Variants in MYO18B observed in about 807,000 individuals in gnomAD.
MYO18B encodes the protein myosin XVIIIB, also known as unconventional myosin-XVIIIb.
A neutral mutation model predicts 273.0 loss-of-function variants in MYO18B; 204 were observed. That is an observed-to-expected ratio of 0.75 (90% confidence interval 0.67 to 0.84). The LOEUF (loss-of-function observed/expected upper bound fraction) is 0.84. Ranked by LOEUF, MYO18B falls within the 40% of genes least tolerant of loss-of-function variation. The probability of loss-of-function intolerance (pLI) is 0.00; values close to 1 mark genes in which losing one functional copy is unlikely to be tolerated. For missense variants in MYO18B, 3,212 were observed against 3,287.6 expected, an observed-to-expected ratio of 0.98 and a Z score of 0.56; for synonymous variants, 1,330 against 1,305.7, an observed-to-expected ratio of 1.02 and a Z score of -0.40.
chr22:25,980,446 G>A (rs1368926464), intron 39 of MYO18B, among the ~76,000 whole-genome samples: 3 of 152,164 alleles, frequency 2.0e-5, no homozygotes, highest in African/African-American at 7.2e-5. Flanking sequence ...GAGAATCCTG[G>A]CAGGGAAAGC....
At chr22:26,022,193 AT>A (rs577953642) in intron 42 of MYO18B, among the ~76,000 whole-genome samples, 2 of 149,914 alleles carry the variant, frequency 1.3e-5, no homozygotes, top group South Asian at 4.4e-4. Flanking sequence ...TAACATGTTG[AT>A]TATCTGACAT....
At chr22:25,932,251 A>C (rs2092513743) in intron 34 of MYO18B, among the ~76,000 whole-genome samples, 2 of 152,106 alleles carry the variant, frequency 1.3e-5, no homozygotes, top group Non-Finnish European at 2.9e-5. Context: ...TCTCTCTATA[A>C]ATTTTCTGAA....
At chr22:25,773,739 A>G (rs1423963802) in intron 7 of MYO18B, among the ~76,000 whole-genome samples, 1 of 152,358 alleles carries the variant, frequency 6.6e-6, no homozygotes, top group South Asian at 2.1e-4. Flanking sequence ...CTGGGATTAC[A>G]GGCATGAGCC....
chr22:25,952,366 C>T lies in MYO18B; in HGVS notation c.5913C>T (p.Val1971=). ...CCATCGTCAGCAGGCAGGAGGCGGT[C>T]ATCTGTGACCTAGAGAACAAGACAG... The part of the protein sequence containing the change: ...DRAIVSRQEA[V]ICDLENKTEF... The change falls in exon 38 of 44, where the codon GTC becomes GTT. Residue 1971 remains valine (V), a synonymous_variant. Transcript: ENST00000335473. 6.2e-7 allele frequency: 1 copy of T among 1,612,692 alleles called. No homozygotes were observed. The highest frequency in any genetic ancestry group is 8.5e-7 in the Non-Finnish European group (1 of 1,179,462).
At chr22:25,795,973 A>G (rs965337625) in intron 11 of MYO18B, among the ~76,000 whole-genome samples, 1 of 152,166 alleles carries the variant, frequency 6.6e-6, no homozygotes, top group Non-Finnish European at 1.5e-5. Flanking sequence ...CTCTCTGGGC[A>G]CTGGTTGCTG....
At chr22:25,858,706 A>C (rs918907060) in intron 21 of MYO18B, among the ~76,000 whole-genome samples, 1 of 152,232 alleles carries the variant, frequency 6.6e-6, no homozygotes, top group Non-Finnish European at 1.5e-5. Flanking sequence ...GACACAGGCT[A>C]TCGGAATTTT....
At chr22:25,841,659 A>G (rs1005668907) in intron 17 of MYO18B, among the ~76,000 whole-genome samples, 1 of 152,158 alleles carries the variant, frequency 6.6e-6, no homozygotes, top group Non-Finnish European at 1.5e-5. Context: ...CATGTCCAGC[A>G]GAGAGTGCTA....
At chr22:25,773,743 A>G (rs141420030) in intron 7 of MYO18B, among the ~76,000 whole-genome samples, 2,300 of 152,316 alleles carry the variant, frequency 0.015, 54 homozygotes, top group African/African-American at 0.051. Flanking sequence ...GATTACAGGC[A>G]TGAGCCACTG....
At chr22:26,032,127 T>G (rs1339241229), downstream of MYO18B, among the ~76,000 whole-genome samples, 1 of 152,184 alleles carries the variant, frequency 6.6e-6, no homozygotes, top group Non-Finnish European at 1.5e-5. Context: ...GTCACTTCCC[T>G]TGCTGGGTCT....
chr22:25,770,838 C>T (rs766943344), intron 5 of MYO18B, 34 bp from the exon 6 acceptor site: 1 of 1,484,336 alleles, frequency 6.7e-7, no homozygotes, highest in South Asian at 1.2e-5. Flanking sequence ...CATCTCCTCC[C>T]CGTTCCCCTT....
rs546552058 is a variant in MYO18B at position 25,833,017 on chromosome 22, A to G, written c.3060+20A>G. 39 of 1,610,332 alleles carry G rather than the reference A, an allele frequency of 2.4e-5. No homozygotes were observed. Among genetic ancestry groups the G allele is most frequent in the Admixed American group, 1.8e-4 (11 of 59,946 alleles). ...TCTCAGGTAACACAGGGCCCAGCCAATCCAGGCTCTCAGATGCCAGTTGGC... is the reference window on the plus strand; with the variant it reads ...TCTCAGGTAACACAGGGCCCAGCCAGTCCAGGCTCTCAGATGCCAGTTGGC... On this transcript the variant is annotated intron_variant, in intron 16 of 43. Coordinates refer to ENST00000335473, the MANE Select transcript of MYO18B (RefSeq NM_032608.7).
intron 39 of MYO18B, chr22:25,965,221 A>G (rs2092964560): frequency 6.6e-6 from 1 of 152,258 alleles, no homozygotes; most frequent in Non-Finnish European, 1.5e-5. Flanking sequence ...ACTTTGGGGT[A>G]TATCTTCCAC....
intron 42 of MYO18B, among the ~76,000 whole-genome samples, 188 bp from the exon 43 acceptor site, chr22:26,026,257 G>T (rs1290125018): frequency 1.3e-5 from 2 of 152,208 alleles, no homozygotes; most frequent in African/African-American, 4.8e-5. Flanking sequence ...CATTCGGAAA[G>T]CAACAAGAAA....
the MYO18B span, among the ~76,000 whole-genome samples, chr22:26,054,982 C>T: frequency 6.6e-6 from 1 of 152,132 alleles, no homozygotes; most frequent in African/African-American, 2.4e-5. Flanking sequence ...TGCTAAACAT[C>T]GATGCTGAGT....
At position 25,904,678 on chromosome 22, in the gene MYO18B, T is replaced by G. The variant is rs146336570; in HGVS notation, c.5148+847T>G. On this transcript the variant is annotated intron_variant, in intron 31 of 43. Coordinates refer to ENST00000335473, the MANE Select transcript of MYO18B (RefSeq NM_032608.7). ...ATGAATACTTTATTTGTCTGCTTGC[T>G]TATTTATGTACTTACTTATTTACCT... Among the ~76,000 whole-genome samples the G allele has an allele frequency of 8.7e-4, 132 of 152,338 alleles. 2 individuals are homozygous for G. The highest frequency in any genetic ancestry group is 2.2e-4 in the Non-Finnish European group (15 of 68,034).
At chr22:25,891,189 G>A in intron 26 of MYO18B, 115 bp from the exon 27 acceptor site, 2 of 816,466 alleles carry the variant, frequency 2.4e-6, no homozygotes, top group Non-Finnish European at 4.0e-6. Flanking sequence ...ATTCTGCATG[G>A]CTCAGGGCTG....
chr22:26,039,962 C>T, the MYO18B span, among the ~76,000 whole-genome samples: 4 of 152,146 alleles, frequency 2.6e-5, no homozygotes, highest in African/African-American at 9.7e-5. Flanking sequence ...GTGGCTGGGA[C>T]TACAGGTGCA....
intron 25 of MYO18B, chr22:25,884,766 G>C (rs545106959): frequency 6.6e-6 from 1 of 152,334 alleles, no homozygotes; most frequent in South Asian, 2.1e-4. Flanking sequence ...TTGAGTTCCA[G>C]ATGGCTGACT....
chr22:26,026,394 A>G, intron 42 of MYO18B, 51 bp from the exon 43 acceptor site: 1 of 1,551,672 alleles, frequency 6.4e-7, no homozygotes, highest in Non-Finnish European at 8.7e-7. Flanking sequence ...GATTGCACAA[A>G]TTGTATGAAT....
Sources: allele counts gnomAD v4.1 joint callset (sites outside exome capture counted in the v4.1 genomes callset), GRCh38; gene constraint gnomAD v4.1.1; transcripts MANE v1.5; gene names NCBI Gene and HGNC (gene_info 2026-07-23, HGNC 2026-07-21).